SMIM18: variants seen among roughly 807,000 people sequenced by gnomAD.
The protein encoded by SMIM18 is small integral membrane protein 18.
In SMIM18, 4 loss-of-function variants were observed where a neutral mutation model predicts 5.9. That is an observed-to-expected ratio of 0.68 (90% CI 0.33 to 1.56). The LOEUF is 1.56. Ranked by LOEUF, SMIM18 falls within the 40% of genes most tolerant of loss-of-function variation. The pLI is 0.06. For synonymous variants in SMIM18, 37 were observed against 37.4 expected, an observed-to-expected ratio of 0.99 and a Z score of 0.04; for missense variants, 89 against 109.7, an observed-to-expected ratio of 0.81 and a Z score of 0.84.
intron 1 of SMIM18, among the ~76,000 whole-genome samples, chr8:30,639,825 G>A (rs1190570139): frequency 6.6e-6 from 1 of 151,068 alleles, no homozygotes; most frequent in African/African-American, 2.4e-5. Context: ...GCTAGCCTGA[G>A]CAAAGTATCC....
intron 1 of SMIM18, among the ~76,000 whole-genome samples, chr8:30,641,386 A>AGGG (rs1801822176): frequency 6.6e-6 from 1 of 152,108 alleles, no homozygotes; most frequent in Non-Finnish European, 1.5e-5. Flanking sequence ...TTTTTGAGAC[A>AGGG]GGGTCTCACT....
intron 1 of SMIM18, chr8:30,643,553 G>C (rs1211824759): frequency 6.6e-6 from 1 of 152,112 alleles, no homozygotes; most frequent in Non-Finnish European, 1.5e-5. Context: ...CTACTCAGGA[G>C]GCTGAGGCAG....
intron 1 of SMIM18, among the ~76,000 whole-genome samples, chr8:30,640,796 C>T (rs1801790948): frequency 6.6e-6 from 1 of 152,130 alleles, no homozygotes; most frequent in Non-Finnish European, 1.5e-5. Flanking sequence ...CCTCTGCCGC[C>T]CAGGTTCATG....
intron 2 of SMIM18, 122 bp from the exon 3 acceptor site, chr8:30,645,159 T>C (rs1802020443): frequency 1.2e-6 from 1 of 851,318 alleles, no homozygotes. Context: ...AACTACCATT[T>C]AGGCATTAAT....
intron 1 of SMIM18, among the ~76,000 whole-genome samples, chr8:30,641,217 A>G (rs1253303574): frequency 2.0e-5 from 3 of 152,136 alleles, no homozygotes; most frequent in Non-Finnish European, 4.4e-5. Flanking sequence ...TTATCAATAC[A>G]CTCACAAGAC....
At chr8:30,644,893 G>A (rs553867362) in intron 2 of SMIM18, among the ~76,000 whole-genome samples, 7 of 152,120 alleles carry the variant, frequency 4.6e-5, no homozygotes, top group African/African-American at 1.4e-4. Context: ...TGGGACTATA[G>A]GCACACACCA....
intron 2 of SMIM18, 102 bp from the exon 3 acceptor site, chr8:30,645,179 T>G: frequency 9.8e-7 from 1 of 1,023,810 alleles, no homozygotes. Context: ...TTAAGGAAGA[T>G]TCATGTTGCC....
intron 1 of SMIM18, among the ~76,000 whole-genome samples, chr8:30,642,180 T>C (rs1203684587): frequency 6.6e-6 from 1 of 151,846 alleles, no homozygotes; most frequent in Admixed American, 6.6e-5. Context: ...TTTATTAGGC[T>C]AACGTTTTGT....
intron 1 of SMIM18, among the ~76,000 whole-genome samples, chr8:30,640,497 T>C (rs184646346): frequency 6.6e-6 from 1 of 151,902 alleles, no homozygotes; most frequent in Admixed American, 6.6e-5. Flanking sequence ...TAAAAAAAAA[T>C]TATGTGATTT....
intron 1 of SMIM18, 116 bp downstream of exon 1, chr8:30,638,755 A>AG (rs1585994051): frequency 6.6e-6 from 1 of 152,462 alleles, no homozygotes; most frequent in African/African-American, 2.4e-5. Flanking sequence ...ATCAAGAAAA[A>AG]GCAATGTATT....
rs1044045147 is a variant in SMIM18 at position 30,645,528 on chromosome 8, G to C, written c.219G>C (p.Leu73Phe). 2.0e-6 allele frequency: 3 copies of C among 1,535,658 alleles called. No individual in the cohort carries two copies. Among genetic ancestry groups the C allele is most frequent in the Non-Finnish European group, 2.6e-6 (3 of 1,146,894 alleles). ...CCVKNKTVKD[L>F]KSEPNPLRSM... ...TAAAAAACAAAACCGTGAAAGACTTGAAAAGTGAACCCAACCCTCTTAGAA... is the reference window on the plus strand; with the variant it reads ...TAAAAAACAAAACCGTGAAAGACTTCAAAAGTGAACCCAACCCTCTTAGAA... The change falls in exon 3 of 3, where the codon TTG becomes TTC. Residue 73 changes from leucine (L) to phenylalanine (F), a missense_variant. Coordinates refer to ENST00000517349, the MANE Select transcript of SMIM18 (RefSeq NM_001206847.2).
Position 30,642,025 on chromosome 8 carries a change from A to G in SMIM18, c.-110-2467A>G, listed in dbSNP as rs567769694. Among the ~76,000 whole-genome samples, 30 of 152,368 alleles carry G rather than the reference A, an allele frequency of 2.0e-4. 2 individuals carry two copies. Among genetic ancestry groups the G allele is most frequent in the Admixed American group, 1.7e-3 (26 of 15,304 alleles). On this transcript the variant is annotated intron_variant, in intron 1 of 2. Transcript: ENST00000517349. ...TAAAGTATACAGTCTAACAAAAATGACAGTGTTTCCTAATCCCAATTTGAA... is the reference window on the plus strand; with the variant it reads ...TAAAGTATACAGTCTAACAAAAATGGCAGTGTTTCCTAATCCCAATTTGAA...
chr8:30,642,307 A>AAGG (rs1250856683), intron 1 of SMIM18, among the ~76,000 whole-genome samples: 3 of 151,668 alleles, frequency 2.0e-5, no homozygotes, highest in African/African-American at 7.3e-5. Context: ...AAAAAAAAAA[A>AAGG]AAAGGAAAGG....
intron 1 of SMIM18, among the ~76,000 whole-genome samples, chr8:30,638,914 GC>G (rs1310190393): frequency 3.9e-5 from 6 of 152,056 alleles, no homozygotes; most frequent in Non-Finnish European, 5.9e-5. Context: ...GTAAACCATA[GC>G]TTTTTATTTT....
chr8:30,639,113 T>G (rs1043469674), intron 1 of SMIM18, among the ~76,000 whole-genome samples: 3 of 152,208 alleles, frequency 2.0e-5, no homozygotes, highest in Admixed American at 1.3e-4. Context: ...GTTTGTTATA[T>G]TTTTTAGAAT....
chr8:30,645,703 T>C lies in SMIM18; in HGVS notation c.*106T>C. 10 of 1,145,664 alleles carry C rather than the reference T, an allele frequency of 8.7e-6. No individual in the cohort carries two copies. In the South Asian group the frequency reaches 1.5e-4, roughly 17 times the overall value. The allele number at this position is 1,145,664 out of a possible 1,614,324, so 71.0% of individuals were successfully genotyped here. On this transcript the variant is annotated 3_prime_UTR_variant, in exon 3 of 3. Transcript: ENST00000517349. ...TGCTACAAAACAAATTCTGACTGAA[T>C]GGTTAAAACATTTCTAGTAGAAGGG...
intron 1 of SMIM18, 26 bp from the exon 2 acceptor site, chr8:30,644,466 T>G (rs996582230): frequency 2.0e-5 from 3 of 152,196 alleles, no homozygotes; most frequent in Non-Finnish European, 4.4e-5. Context: ...TTATTTGGTT[T>G]TCTTTCTCTA....
intron 1 of SMIM18, among the ~76,000 whole-genome samples, chr8:30,639,602 T>A (rs1304047763): frequency 6.6e-6 from 1 of 152,174 alleles, no homozygotes; most frequent in Non-Finnish European, 1.5e-5. Context: ...TATTAAAAAT[T>A]AATATTAACT....
At chr8:30,645,241 G>A in intron 2 of SMIM18, 40 bp from the exon 3 acceptor site, 1 of 1,418,630 alleles carries the variant, frequency 7.0e-7, no homozygotes, top group Non-Finnish European at 9.3e-7. Context: ...TAACAGATCT[G>A]TAGTTTGCTA....
Sources: gnomAD v4.1 joint callset for allele counts (sites outside exome capture counted in the v4.1 genomes callset) on GRCh38, gnomAD v4.1.1 for gene constraint, MANE v1.5 for transcripts, NCBI Gene and HGNC (gene_info 2026-07-23, HGNC 2026-07-21) for gene names.